The following JAZF1 variants were observed in gnomAD, a reference collection of about 807,000 sequenced individuals.
JAZF1 encodes the protein JAZF zinc finger 1, also known as juxtaposed with another zinc finger protein 1.
JAZF1 carries 8 observed loss-of-function variants against 26.4 expected under a neutral mutation model. The observed-to-expected ratio is 0.30, with a 90% CI of 0.18 to 0.55. JAZF1 has a LOEUF of 0.55. Among genes scored for constraint, JAZF1 ranks in the 20% least tolerant of loss-of-function variants. JAZF1 has a pLI of 0.94. For missense variants in JAZF1, 199 were observed against 322.0 expected, an observed-to-expected ratio of 0.62 and a Z score of 2.92; for synonymous variants, 126 against 122.3, an observed-to-expected ratio of 1.03 and a Z score of -0.20.
intron 1 of JAZF1, among the ~76,000 whole-genome samples, chr7:28,154,296 T>C (rs1033924370): frequency 1.3e-5 from 2 of 152,186 alleles, no homozygotes; most frequent in African/African-American, 4.8e-5. Context: ...AATAAGCCCT[T>C]AGTGATCACA....
At chr7:28,102,493 T>C (rs1378477787) in intron 1 of JAZF1, among the ~76,000 whole-genome samples, 1 of 152,112 alleles carries the variant, frequency 6.6e-6, no homozygotes, top group Non-Finnish European at 1.5e-5. Context: ...GCAAACCATA[T>C]CATAAATATC....
At chr7:28,179,367 T>G (rs1783597788) in intron 1 of JAZF1, among the ~76,000 whole-genome samples, 1 of 152,116 alleles carries the variant, frequency 6.6e-6, no homozygotes. Flanking sequence ...GAGGACTTGT[T>G]GAAAGGTCCA....
intron 1 of JAZF1, among the ~76,000 whole-genome samples, chr7:27,997,387 A>G (rs964499518): frequency 6.6e-6 from 1 of 152,160 alleles, no homozygotes; most frequent in Admixed American, 6.5e-5. Context: ...TGCTCCCAAT[A>G]ACAATGGTAA....
intron 1 of JAZF1, among the ~76,000 whole-genome samples, chr7:28,083,516 A>G (rs1481329310): frequency 6.6e-6 from 1 of 152,148 alleles, no homozygotes. Context: ...AAACTTTTTA[A>G]GGCTGTTTGC....
At chr7:27,877,194 G>A (rs1278121314) in intron 3 of JAZF1, among the ~76,000 whole-genome samples, 2 of 152,198 alleles carry the variant, frequency 1.3e-5, no homozygotes, top group African/African-American at 4.8e-5. Context: ...GAGAGCTAGC[G>A]AAAAACACAA....
At chr7:28,113,658 T>A (rs530718900) in intron 1 of JAZF1, among the ~76,000 whole-genome samples, 2 of 152,330 alleles carry the variant, frequency 1.3e-5, no homozygotes, top group East Asian at 3.9e-4. Context: ...AAGCCTCATT[T>A]TACTCAATAA....
In JAZF1 at chr7:28,180,620, CCGGG is replaced by C. The variant is rs754250138; in HGVS notation, c.-47_-44del. On this transcript the variant is annotated 5_prime_UTR_variant, in exon 1 of 5. Coordinates refer to ENST00000283928, the MANE Select transcript of JAZF1 (RefSeq NM_175061.4). ...CCCCCTGGTGTCGGCTCTGCGAGCG[CCGGG>C]CGGGCGAGGGAGGGAGGGAGGCCGG... The C allele has an allele frequency of 1.4e-5, 21 of 1,454,322 alleles. No individual in the cohort carries two copies. Among genetic ancestry groups the C allele is most frequent in the Non-Finnish European group, 1.9e-5 (20 of 1,070,558 alleles). 90.1% of individuals were successfully genotyped at this position (1,454,322 alleles called of 1,614,324 possible).
chr7:27,962,215 G>A (rs927812825), intron 2 of JAZF1, among the ~76,000 whole-genome samples: 2 of 152,098 alleles, frequency 1.3e-5, no homozygotes, highest in African/African-American at 4.8e-5. Flanking sequence ...TACACAAGAG[G>A]AAATACACAT....
intron 1 of JAZF1, among the ~76,000 whole-genome samples, chr7:28,141,492 C>T (rs554718610): frequency 6.6e-6 from 1 of 152,328 alleles, no homozygotes; most frequent in African/African-American, 2.4e-5. Flanking sequence ...TCCAATAAGA[C>T]TGTCAATTCA....
intron 1 of JAZF1, among the ~76,000 whole-genome samples, chr7:28,000,270 T>A (rs1046111241): frequency 6.6e-6 from 1 of 152,088 alleles, no homozygotes; most frequent in Non-Finnish European, 1.5e-5. Flanking sequence ...TTTGGCAAAG[T>A]CTGCTAACAA....
chr7:28,016,766 C>G (rs966278399), intron 1 of JAZF1, among the ~76,000 whole-genome samples: 5 of 152,180 alleles, frequency 3.3e-5, no homozygotes, highest in Admixed American at 1.3e-4. Context: ...CAAAAGGCAG[C>G]CCAGGGGATC....
chr7:28,161,860 C>T (rs1402039800), intron 1 of JAZF1, among the ~76,000 whole-genome samples: 1 of 152,144 alleles, frequency 6.6e-6, no homozygotes, highest in African/African-American at 2.4e-5. Flanking sequence ...ACTGTGTGAT[C>T]TTGAGGGGAT....
intron 1 of JAZF1, among the ~76,000 whole-genome samples, chr7:28,178,990 G>A (rs922891596): frequency 6.6e-6 from 1 of 152,196 alleles, no homozygotes; most frequent in Non-Finnish European, 1.5e-5. Flanking sequence ...CAGCCACTGT[G>A]TGCAGAGACA....
At chr7:28,119,100 G>A (rs1784796562) in intron 1 of JAZF1, among the ~76,000 whole-genome samples, 1 of 152,088 alleles carries the variant, frequency 6.6e-6, no homozygotes, top group Non-Finnish European at 1.5e-5. Context: ...GAACCAAGAG[G>A]CAGTGGCCAT....
At chr7:28,113,843 C>T (rs901608991) in intron 1 of JAZF1, among the ~76,000 whole-genome samples, 5 of 152,162 alleles carry the variant, frequency 3.3e-5, no homozygotes, top group Admixed American at 3.3e-4. Flanking sequence ...GAGAGCTGCA[C>T]AGGAAGCTTT....
At chr7:27,942,481 T>C (rs1214648206) in intron 2 of JAZF1, among the ~76,000 whole-genome samples, 1 of 152,230 alleles carries the variant, frequency 6.6e-6, no homozygotes, top group Non-Finnish European at 1.5e-5. Context: ...ATTTACTACG[T>C]GCCAGTCACC....
intron 1 of JAZF1, among the ~76,000 whole-genome samples, chr7:28,178,859 T>C (rs1456435850): frequency 6.6e-6 from 1 of 152,244 alleles, no homozygotes; most frequent in Non-Finnish European, 1.5e-5. Flanking sequence ...TTTCAAAACC[T>C]GGACAATTAC....
chr7:27,998,102 G>GCAGGCAGGC (rs1554280814), intron 1 of JAZF1, among the ~76,000 whole-genome samples: 1 of 150,654 alleles, frequency 6.6e-6, no homozygotes, highest in Non-Finnish European at 1.5e-5. Context: ...AGGCAGACAT[G>GCAGGCAGGC]AGCAAAGTAA....
At chr7:28,055,232 C>A (rs1190471843) in intron 1 of JAZF1, among the ~76,000 whole-genome samples, 4 of 152,054 alleles carry the variant, frequency 2.6e-5, no homozygotes, top group Non-Finnish European at 4.4e-5. Context: ...CCCTCCCATC[C>A]CCTTTTTGCA....
Sources: allele counts gnomAD v4.1 joint callset (sites outside exome capture counted in the v4.1 genomes callset), GRCh38; gene constraint gnomAD v4.1.1; transcripts MANE v1.5; gene names NCBI Gene and HGNC (gene_info 2026-07-23, HGNC 2026-07-21).